NR3C1: variants seen among roughly 807,000 people sequenced by gnomAD.
NR3C1 encodes nuclear receptor subfamily 3 group C member 1.
Under a neutral mutation model 74.0 loss-of-function variants are expected in NR3C1, and 14 were observed. The ratio of observed to expected loss-of-function variants is 0.19; its 90% CI spans 0.12 to 0.30. The LOEUF (loss-of-function observed/expected upper bound fraction) is 0.30, where lower values mean the gene tolerates loss of function less well. NR3C1 is among the 10% of genes least tolerant of loss of function. The pLI is 1.00. For missense variants in NR3C1, 695 were observed against 909.8 expected, an observed-to-expected ratio of 0.76 and a Z score of 3.04; for synonymous variants, 308 against 332.5, an observed-to-expected ratio of 0.93 and a Z score of 0.80.
chr5:143,324,356 A>C (rs541073131), intron 2 of NR3C1, among the ~76,000 whole-genome samples: 34 of 152,360 alleles, frequency 2.2e-4, no homozygotes, highest in Non-Finnish European at 4.0e-4. Flanking sequence ...ACCATGTGGA[A>C]GCTGCCAAGG....
rs769620619 is a variant in NR3C1 at position 143,400,579 on chromosome 5, T to C, written c.261A>G (p.Gly87=). 27 of 1,614,194 alleles carry C rather than the reference T, an allele frequency of 1.7e-5. No homozygotes were observed. The highest frequency in any genetic ancestry group is 2.2e-5 in the Non-Finnish European group (26 of 1,180,018). ...DLSKAVSLSM[G]LYMGETETKV... ...TTGTTTCTGTCTCTCCCATATACAG[T>C]CCCATTGAGAGTGAAACTGCTTTGG... The change falls in exon 2 of 9, where the codon GGA becomes GGG. Residue 87 remains glycine (G), a synonymous_variant. Transcript: ENST00000394464.
At chr5:143,374,666 C>T (rs1295815008) in intron 2 of NR3C1, among the ~76,000 whole-genome samples, 1 of 151,950 alleles carries the variant, frequency 6.6e-6, no homozygotes, top group Admixed American at 6.6e-5. Flanking sequence ...GCCCAAATGA[C>T]AAGGGCTTCA....
intron 2 of NR3C1, among the ~76,000 whole-genome samples, chr5:143,345,478 G>A (rs538987335): frequency 3.9e-5 from 6 of 152,278 alleles, no homozygotes; most frequent in East Asian, 1.9e-4. Flanking sequence ...CCAAAGTGCC[G>A]GGATTACAGA....
intron 2 of NR3C1, among the ~76,000 whole-genome samples, chr5:143,328,359 C>T (rs938205236): frequency 2.6e-5 from 4 of 152,280 alleles, no homozygotes; most frequent in South Asian, 2.1e-4. Context: ...GGGGCTGCCC[C>T]GAAGATCTCT....
rs1813427722 is a variant in NR3C1, at chr5:143,282,799, A to C, written c.2024-74T>G. On this transcript the variant is annotated intron_variant, in intron 7 of 8. Coordinates refer to ENST00000394464, the MANE Select transcript of NR3C1 (RefSeq NM_000176.3). ...TTTCTTTTTTTTTTTTTTTTGAGATAGATAGGGTCTCACTGTGTCATCCAG... is the reference window on the plus strand; with the variant it reads ...TTTCTTTTTTTTTTTTTTTTGAGATCGATAGGGTCTCACTGTGTCATCCAG... 2.2e-6 allele frequency: 3 copies of C among 1,391,018 alleles called. No individual in the cohort carries two copies. The East Asian group carries it at 7.1e-5, about 33-fold the overall frequency. The allele number at this position is 1,391,018 out of a possible 1,614,324, so 86.2% of individuals were successfully genotyped here.
chr5:143,338,490 G>C (rs911887985), intron 2 of NR3C1, among the ~76,000 whole-genome samples: 1 of 152,062 alleles, frequency 6.6e-6, no homozygotes, highest in African/African-American at 2.4e-5. Context: ...TGTGAAGGTT[G>C]AACACTGATG....
intron 2 of NR3C1, among the ~76,000 whole-genome samples, chr5:143,340,319 C>T (rs1207248526): frequency 6.6e-6 from 1 of 151,584 alleles, no homozygotes; most frequent in Non-Finnish European, 1.5e-5. Flanking sequence ...GATTTAATTT[C>T]AATGCAATAC....
chr5:143,399,927 T>G lies in NR3C1; in HGVS notation c.913A>C (p.Ser305Arg). 1 of 1,614,218 alleles carries G rather than the reference T, an allele frequency of 6.2e-7. No individual in the cohort carries two copies. Among genetic ancestry groups the G allele is most frequent in the Non-Finnish European group, 8.5e-7 (1 of 1,180,032 alleles). The change falls in exon 2 of 9, where the codon AGC (serine) becomes CGC (arginine). Residue 305 changes from serine to arginine, a missense_variant. By Grantham distance (110) the Ser-to-Arg change is moderately radical. Coordinates refer to ENST00000394464, the MANE Select transcript of NR3C1 (RefSeq NM_000176.3). ...EKLGTVYCQA[S>R]FPGANIIGNK... The stretch of plus-strand genomic sequence containing the variant: ...CCAATTATATTTGCTCCAGGAAAGC[T>G]TGCCTGACAGTAAACTGTGCCCAGT...
chr5:143,302,498 T>C (rs1818703418), intron 4 of NR3C1, among the ~76,000 whole-genome samples: 1 of 152,070 alleles, frequency 6.6e-6, no homozygotes, highest in Non-Finnish European at 1.5e-5. Flanking sequence ...ACTGAAACAG[T>C]ACTTTGACAG....
chr5:143,328,938 CT>C (rs1825268725), intron 2 of NR3C1, among the ~76,000 whole-genome samples: 1 of 152,306 alleles, frequency 6.6e-6, no homozygotes, highest in African/African-American at 2.4e-5. Flanking sequence ...TTCCAGTTTT[CT>C]TCTGAGCCCT....
intron 2 of NR3C1, among the ~76,000 whole-genome samples, chr5:143,338,060 G>A (rs1827487365): frequency 6.6e-6 from 1 of 152,110 alleles, no homozygotes; most frequent in Admixed American, 6.5e-5. Flanking sequence ...ATAAATTTCA[G>A]TCAATGATGG....
At chr5:143,388,595 CTG>C (rs1837683356) in intron 2 of NR3C1, among the ~76,000 whole-genome samples, 1 of 152,140 alleles carries the variant, frequency 6.6e-6, no homozygotes, top group African/African-American at 2.4e-5. Context: ...GAAGGAAAGA[CTG>C]TGAAAGATTC....
Position 143,278,264 on chromosome 5 carries a change from T to G in NR3C1, c.*3625A>C, listed in dbSNP as rs1812628314. On this transcript the variant is annotated 3_prime_UTR_variant, in exon 9 of 9. Transcript: ENST00000394464. ...AAAAAATAATGAAAAAGCTTCTTAA[T>G]AATGCCATACACAGTATAATATAGA... 1 of 152,198 alleles carries G rather than the reference T, an allele frequency of 6.6e-6. No individual in the cohort carries two copies. Among genetic ancestry groups the G allele is most frequent in the Non-Finnish European group, 1.5e-5 (1 of 68,034 alleles). 9.4% of individuals were successfully genotyped at this position (152,198 alleles called of 1,614,324 possible).
intron 2 of NR3C1, among the ~76,000 whole-genome samples, chr5:143,320,853 A>G (rs1418985745): frequency 6.6e-6 from 1 of 152,198 alleles, no homozygotes; most frequent in African/African-American, 2.4e-5. Flanking sequence ...AGAAAAACAG[A>G]ATAAGTCTTG....
exon 1 of NR3C1, chr5:143,435,036 C>G: frequency 1.1e-5 from 11 of 985,284 alleles, no homozygotes; most frequent in Non-Finnish European, 1.3e-5. Context: ...GCCACTGATT[C>G]AGCAGATATT....
intron 1 of NR3C1, among the ~76,000 whole-genome samples, chr5:143,421,584 G>C (rs1751236317): frequency 6.6e-6 from 1 of 151,966 alleles, no homozygotes; most frequent in African/African-American, 2.4e-5. Flanking sequence ...ACTTTGTGAG[G>C]CTGAGGTGGG....
intron 2 of NR3C1, among the ~76,000 whole-genome samples, chr5:143,372,625 G>C (rs1318199870): frequency 6.6e-6 from 1 of 151,528 alleles, no homozygotes; most frequent in Non-Finnish European, 1.5e-5. Flanking sequence ...TCCTTTGCAA[G>C]GGTTCCCTGT....
At chr5:143,283,452 T>TAGA in intron 7 of NR3C1, among the ~76,000 whole-genome samples, 1 of 152,308 alleles carries the variant, frequency 6.6e-6, no homozygotes, top group East Asian at 1.9e-4. Flanking sequence ...TTTAGTTAAC[T>TAGA]TTGTCTGCCA....
chr5:143,398,356 G>GTTTTT lies in NR3C1; in HGVS notation c.1184+1295_1184+1299dup, dbSNP rs35241746. On this transcript the variant is annotated intron_variant, in intron 2 of 8. Coordinates refer to ENST00000394464, the MANE Select transcript of NR3C1 (RefSeq NM_000176.3). ...GACATGTAAGAACCAAGGTTTTTTG[G>GTTTTT]TTTTTTTTTTTTTTTTTTTGACAAC... 1.3e-3 allele frequency among the ~76,000 whole-genome samples: 113 copies of GTTTTT among 85,314 alleles called. No homozygotes were observed. The East Asian group carries it at 0.022, about 17-fold the overall frequency. The allele number at this position is 85,314 out of a possible 152,430, so 56.0% of individuals were successfully genotyped here. A position where few individuals can be genotyped will look rare whatever the true frequency, so the allele number is the denominator to read the frequency against.
Sources: gnomAD v4.1 joint callset for allele counts (sites outside exome capture counted in the v4.1 genomes callset) on GRCh38, gnomAD v4.1.1 for gene constraint, MANE v1.5 for transcripts, NCBI Gene and HGNC (gene_info 2026-07-23, HGNC 2026-07-21) for gene names.